The following ASMTL variants were observed in gnomAD, a reference collection of about 807,000 sequenced individuals.
The protein encoded by ASMTL is probable bifunctional dTTP/UTP pyrophosphatase/methyltransferase protein.
ASMTL carries 57 observed loss-of-function variants against 60.3 expected under a neutral mutation model. The ratio of observed to expected loss-of-function variants is 0.95; its 90% CI spans 0.76 to 1.18. The LOEUF (loss-of-function observed/expected upper bound fraction) is 1.18, where lower values mean the gene tolerates loss of function less well. Among genes scored for constraint, ASMTL ranks in the 50% most tolerant of loss-of-function variants. The probability of loss-of-function intolerance (pLI) is 0.00; values close to 1 mark genes in which losing one functional copy is unlikely to be tolerated. For missense variants in ASMTL, 981 were observed against 852.6 expected (o/e 1.15, Z -1.88); for synonymous variants, 419 against 373.0 (o/e 1.12, Z -1.42).
At chrX:1,417,935 T>G in intron 11 of ASMTL, 38 bp downstream of exon 11, 1 of 1,570,966 alleles carries the variant, frequency 6.4e-7, no homozygotes, top group Non-Finnish European at 8.7e-7. Context: ...TGCTGCAGTC[T>G]GGAAAAGGTT....
At chrX:1,410,316 G>C (rs1298249962) in intron 12 of ASMTL, among the ~76,000 whole-genome samples, 1 of 150,038 alleles carries the variant, frequency 6.7e-6, no homozygotes, top group Non-Finnish European at 1.5e-5. Context: ...TGAGGCAGGA[G>C]GATCGCTTGA....
At chrX:1,418,806 G>A (rs769256494) in intron 10 of ASMTL, 176 bp downstream of exon 10, 1 of 313,034 alleles carries the variant, frequency 3.2e-6, no homozygotes, top group Admixed American at 6.5e-5. Flanking sequence ...GGCATCCCCG[G>A]GGTCCTCCTG....
intron 1 of ASMTL, among the ~76,000 whole-genome samples, chrX:1,451,645 GGTCCCGGGTC>G (rs1251225889): frequency 1.3e-4 from 19 of 141,292 alleles, no homozygotes; most frequent in South Asian, 2.3e-4. Flanking sequence ...TCCCTAGGGG[GGTCCCGGGTC>G]ACTTGACCTC....
intron 10 of ASMTL, 98 bp downstream of exon 10, chrX:1,418,884 T>C (rs1322391246): frequency 1.4e-5 from 21 of 1,487,052 alleles, no homozygotes; most frequent in Non-Finnish European, 1.9e-5. Flanking sequence ...ATCAGGTTTG[T>C]CAATGGAAAA....
chrX:1,415,504 T>C (rs762165867), intron 11 of ASMTL, among the ~76,000 whole-genome samples: 67 of 151,848 alleles, frequency 4.4e-4, no homozygotes, highest in Middle Eastern at 6.8e-3. Flanking sequence ...TCGCTCTTGT[T>C]GCCCAGGCTG....
At chrX:1,405,330 G>A (rs1464531748) in intron 12 of ASMTL, among the ~76,000 whole-genome samples, 13 of 151,370 alleles carry the variant, frequency 8.6e-5, no homozygotes, top group African/African-American at 2.4e-4. Flanking sequence ...ATGATGGATC[G>A]TTAGGTGGAT....
chrX:1,446,147 A>T (rs1345142027), intron 1 of ASMTL, among the ~76,000 whole-genome samples: 1 of 152,198 alleles, frequency 6.6e-6, no homozygotes, highest in Non-Finnish European at 1.5e-5. Context: ...GTGTCTGATA[A>T]GCAGAAATAA....
chrX:1,443,606 C>T (rs1392199877), intron 1 of ASMTL, among the ~76,000 whole-genome samples: 1,252 of 36,086 alleles, frequency 0.035, 26 homozygotes, highest in African/African-American at 0.05. Context: ...GGACAGACAC[C>T]GCCATCGTGG....
chrX:1,423,801 C>A, intron 8 of ASMTL, among the ~76,000 whole-genome samples: 1 of 151,090 alleles, frequency 6.6e-6, no homozygotes, highest in Non-Finnish European at 1.5e-5. Flanking sequence ...CCCACCCTCC[C>A]AATCATCCAC....
At chrX:1,431,761 CATT>C (rs1424194641) in intron 6 of ASMTL, 1 of 151,254 alleles carries the variant, frequency 6.6e-6, no homozygotes, top group African/African-American at 2.4e-5. Context: ...ATTATGTAGA[CATT>C]ATATGACATA....
intron 9 of ASMTL, 66 bp downstream of exon 9, chrX:1,421,592 G>A: frequency 6.5e-7 from 1 of 1,546,924 alleles, no homozygotes; most frequent in East Asian, 2.2e-5. Context: ...CTACTGATCT[G>A]TGTGTCAAAG....
intron 6 of ASMTL, among the ~76,000 whole-genome samples, chrX:1,431,397 T>A (rs1194445212): frequency 7.3e-6 from 1 of 136,346 alleles, no homozygotes; most frequent in Admixed American, 7.9e-5. Flanking sequence ...CTACCTATTA[T>A]ATAATCTATT....
chrX:1,422,930 T>G (rs111966037), intron 8 of ASMTL, among the ~76,000 whole-genome samples: 13,528 of 152,004 alleles, frequency 0.089, 760 homozygotes, highest in Admixed American at 0.14. Context: ...TTTCTCCATA[T>G]TCATCATTAT....
At position 1,412,731 on chromosome X, in the gene ASMTL, C is replaced by G. The variant is rs1463874924; in HGVS notation, c.1645+1G>C. The G allele has an allele frequency of 1.9e-6, 3 of 1,613,988 alleles. No individual in the cohort carries two copies. Among genetic ancestry groups the G allele is most frequent in the Non-Finnish European group, 2.5e-6 (3 of 1,179,866 alleles). The stretch of plus-strand genomic sequence containing the variant: ...CAGCTAACCTGACGATGGGCTCTCA[C>G]CTGGCTTGCAGCTCTCGGCGACCCT... On this transcript the variant is annotated splice_donor_variant, in intron 12 of 12. Transcript: ENST00000381317. LOFTEE classifies it high-confidence loss of function.
chrX:1,449,506 C>G (rs1400794968), intron 1 of ASMTL, among the ~76,000 whole-genome samples: 1 of 151,904 alleles, frequency 6.6e-6, no homozygotes, highest in South Asian at 2.1e-4. Flanking sequence ...TGGTGTCCCC[C>G]CTCCCAGGGT....
chrX:1,423,467 T>G (rs1270593843), intron 8 of ASMTL, among the ~76,000 whole-genome samples: 2 of 152,078 alleles, frequency 1.3e-5, no homozygotes. Context: ...ACTCAAGGAC[T>G]TGGTCATGTG....
At chrX:1,449,243 CT>C (rs1167529529) in intron 1 of ASMTL, among the ~76,000 whole-genome samples, 2 of 151,994 alleles carry the variant, frequency 1.3e-5, no homozygotes, top group Non-Finnish European at 2.9e-5. Flanking sequence ...AGCTGCTTTT[CT>C]TTTTTCGTCT....
At chrX:1,407,322 AATGGATGGATAG>A (rs2089900451) in intron 12 of ASMTL, among the ~76,000 whole-genome samples, 1 of 148,450 alleles carries the variant, frequency 6.7e-6, no homozygotes, top group African/African-American at 2.5e-5. Flanking sequence ...CAGGTAGATG[AATGGATGGATAG>A]ATGGATGAGA....
rs770300020 is a variant in ASMTL at position 1,412,740 on chromosome X, C to T, written c.1637G>A (p.Cys546Tyr). 2 of 1,613,986 alleles carry T rather than the reference C, an allele frequency of 1.2e-6. No homozygotes were observed. Among genetic ancestry groups the T allele is most frequent in the Admixed American group, 1.7e-5 (1 of 60,020 alleles). ...TGACGATGGGCTCTCACCTGGCTTG[C>T]AGCTCTCGGCGACCCTGCTGAGTAA... is the stretch of plus-strand genomic sequence containing the variant. ...HKLLSRVAESCKPGAGLLLVE... is the reference protein window; with the variant it reads ...HKLLSRVAESYKPGAGLLLVE... Residue 546 changes from cysteine to tyrosine, a missense_variant, in exon 12 of 13, where the codon TGC becomes TAC. Physicochemically the swap from Cys to Tyr is radical, Grantham distance 194. Transcript: ENST00000381317.
Sources: allele counts gnomAD v4.1 joint callset (sites outside exome capture counted in the v4.1 genomes callset), GRCh38; gene constraint gnomAD v4.1.1; transcripts MANE v1.5; gene names NCBI Gene and HGNC (gene_info 2026-07-23, HGNC 2026-07-21).